Variants in IFNLR1 observed in about 807,000 individuals in gnomAD.
IFNLR1 encodes CRF2-12.
IFNLR1 carries 28 observed loss-of-function variants against 52.5 expected under a neutral mutation model. That is an observed-to-expected ratio of 0.53 (90% CI 0.40 to 0.73). The LOEUF (loss-of-function observed/expected upper bound fraction) is 0.73. IFNLR1 is among the 30% of genes least tolerant of loss of function. IFNLR1 has a pLI of 0.00. For missense variants in IFNLR1, 623 were observed against 659.1 expected, an observed-to-expected ratio of 0.95 and a Z score of 0.60; for synonymous variants, 276 against 274.9, an observed-to-expected ratio of 1.00 and a Z score of -0.04.
At chr1:24,161,313 T>G (rs1644440632) in intron 4 of IFNLR1, 1 of 605,430 alleles carries the variant, frequency 1.7e-6, no homozygotes, top group Middle Eastern at 4.1e-4. Context: ...AGAGCTTATC[T>G]GTATTTTTCA....
intron 2 of IFNLR1, among the ~76,000 whole-genome samples, chr1:24,172,217 A>G (rs1175161650): frequency 2.6e-5 from 4 of 152,256 alleles, no homozygotes; most frequent in Non-Finnish European, 5.9e-5. Context: ...TAAGACAGCT[A>G]AGTAATACTT....
chr1:24,156,857 C>T lies in IFNLR1; in HGVS notation c.*273G>A. On this transcript the variant is annotated 3_prime_UTR_variant, in exon 7 of 7. Transcript: ENST00000327535. The stretch of plus-strand genomic sequence containing the variant: ...TCCCCCTGGCCTGTCACCCTAGGGA[C>T]AATGGGGGTGATGACACCCCACCAA... The T allele has an allele frequency of 2.0e-6, 1 of 506,112 alleles. No individual in the cohort carries two copies. Among genetic ancestry groups the T allele is most frequent in the Non-Finnish European group, 3.5e-6 (1 of 286,032 alleles). The allele number at this position is 506,112 out of a possible 1,614,324, so 31.4% of individuals were successfully genotyped here.
intron 2 of IFNLR1, among the ~76,000 whole-genome samples, chr1:24,173,920 A>C (rs771542719): frequency 3.3e-5 from 5 of 152,244 alleles, no homozygotes; most frequent in African/African-American, 4.8e-5. Flanking sequence ...AAAGACTTGT[A>C]CATGAATGTT....
intron 2 of IFNLR1, among the ~76,000 whole-genome samples, chr1:24,173,101 T>C (rs1216059867): frequency 1.4e-5 from 2 of 140,462 alleles, no homozygotes; most frequent in Middle Eastern, 3.9e-3. Context: ...TACTGGATTT[T>C]ATCAAATTAA....
chr1:24,180,615 G>T, intron 2 of IFNLR1, 116 bp downstream of exon 2: 2 of 995,268 alleles, frequency 2.0e-6, no homozygotes, highest in Non-Finnish European at 3.0e-6. Context: ...CTCCCGTAGG[G>T]CCCAGAGAGC....
chr1:24,157,195 C>T lies in IFNLR1; in HGVS notation c.1498G>A (p.Gly500Arg). 1 of 1,614,120 alleles carries T rather than the reference C, an allele frequency of 6.2e-7. No homozygotes were observed. Among genetic ancestry groups the T allele is most frequent in the Non-Finnish European group, 8.5e-7 (1 of 1,180,022 alleles). ...TCGGTCCTCTGGGTGCTCTCAGCCCCCCAGCTGCCCGCATCGCTGTCCTCA... is the reference window on the plus strand; with the variant it reads ...TCGGTCCTCTGGGTGCTCTCAGCCCTCCAGCTGCCCGCATCGCTGTCCTCA... ...EIEDSDAGSWGAESTQRTEDR... is the reference protein window; with the variant it reads ...EIEDSDAGSWRAESTQRTEDR... Residue 500 changes from glycine (G) to arginine (R), a missense_variant, in exon 7 of 7, where the codon GGG becomes AGG. Gly to Arg is a moderately radical substitution (Grantham distance 125, BLOSUM62 -2). Coordinates refer to ENST00000327535, the MANE Select transcript of IFNLR1 (RefSeq NM_170743.4). This position sits in a 1 kb window ranked among gnomAD's most constrained non-coding sequence, Gnocchi z 5.1.
rs1035859168 is a variant in IFNLR1, at chr1:24,157,007, C to T, written c.*123G>A. On this transcript the variant is annotated 3_prime_UTR_variant, in exon 7 of 7. Coordinates refer to ENST00000327535, the MANE Select transcript of IFNLR1 (RefSeq NM_170743.4). This position sits in a 1 kb window ranked among gnomAD's most constrained non-coding sequence, Gnocchi z 5.1. ...GCAAACAGCCGCTAGGTGGACTTCC[C>T]GGAAGTGCAATGCCCCTCCGCCGCC... is the stretch of plus-strand genomic sequence containing the variant. 1.9e-5 allele frequency: 22 copies of T among 1,175,662 alleles called. No homozygotes were observed. The highest frequency in any genetic ancestry group is 1.2e-4 in the African/African-American group (8 of 64,968). The allele number at this position is 1,175,662 out of a possible 1,614,324, so 72.8% of individuals were successfully genotyped here. A position where few individuals can be genotyped will look rare whatever the true frequency, so the allele number is the denominator to read the frequency against.
chr1:24,177,625 TC>T (rs773331643), intron 2 of IFNLR1, among the ~76,000 whole-genome samples: 8 of 152,166 alleles, frequency 5.3e-5, no homozygotes, highest in Non-Finnish European at 1.2e-4. Flanking sequence ...CCATTCCCAG[TC>T]CACTGACTCA....
rs1491315931 is a variant in IFNLR1, at chr1:24,162,724, T to TTTCTTTCTTTC, written c.368-1041_368-1040insGAAAGAAAGAA. ...TTCTTTTCTTTTCTTTCTTTCTTTCTTTTCTTTCTTTCTTTCTTTCTTTCT... is the reference window on the plus strand; with the variant it reads ...TTCTTTTCTTTTCTTTCTTTCTTTCTTTCTTTCTTTCTTTCTTTCTTTCTTTCTTTCTTTCT... On this transcript the variant is annotated intron_variant, in intron 3 of 6. Transcript: ENST00000327535. Among the ~76,000 whole-genome samples the TTTCTTTCTTTC allele has an allele frequency of 8.0e-4, 26 of 32,490 alleles. 7 individuals are homozygous for TTTCTTTCTTTC. The highest frequency in any genetic ancestry group is 2.3e-3 in the Admixed American group (7 of 2,982). The allele number at this position is 32,490 out of a possible 152,430, so 21.3% of individuals were successfully genotyped here.
rs373239564 is a variant in IFNLR1 at position 24,159,195 on chromosome 1, A to G, written c.671-13T>C. 4.0e-5 allele frequency: 65 copies of G among 1,613,942 alleles called. No homozygotes were observed. In the African/African-American group the frequency reaches 7.6e-4, roughly 19 times the overall value. On this transcript the variant is annotated splice_polypyrimidine_tract_variant and intron_variant, in intron 5 of 6. Coordinates refer to ENST00000327535, the MANE Select transcript of IFNLR1 (RefSeq NM_170743.4). ...GCCCAGTTGGCTTCTAAGGAAGGAA[A>G]AATAACAATGAGAGAAACAACAATG...
At chr1:24,162,764 CTTTCTTTCTTTCTT>C (rs1557643851) in intron 3 of IFNLR1, among the ~76,000 whole-genome samples, 4,010 of 32,072 alleles carry the variant, frequency 0.13, 201 homozygotes, top group East Asian at 0.18. Flanking sequence ...TTCTTTCTTT[CTTTCTTTCTTTCTT>C]TTTCTTTCTT....
chr1:24,171,401 G>A (rs1644578231), intron 2 of IFNLR1, among the ~76,000 whole-genome samples: 1 of 152,096 alleles, frequency 6.6e-6, no homozygotes, highest in Non-Finnish European at 1.5e-5. Context: ...TTAAAGAATA[G>A]GTATCTCATA....
chr1:24,186,659 T>C (rs1035065131), intron 1 of IFNLR1, among the ~76,000 whole-genome samples: 1 of 149,206 alleles, frequency 6.7e-6, no homozygotes, highest in South Asian at 2.2e-4. Context: ...TCAGTAGAGG[T>C]GGGAAAACAA....
At chr1:24,161,496 G>A (rs1452059474) in intron 4 of IFNLR1, 46 bp downstream of exon 4, 1 of 1,551,302 alleles carries the variant, frequency 6.4e-7, no homozygotes, top group Non-Finnish European at 8.7e-7. Context: ...AGTAAGAAGG[G>A]GTGGAGGAGC....
intron 2 of IFNLR1, among the ~76,000 whole-genome samples, chr1:24,176,105 G>A (rs1217019332): frequency 6.6e-6 from 1 of 152,142 alleles, no homozygotes. Context: ...CGGGAAAATG[G>A]ATTAACAAAT....
intron 1 of IFNLR1, among the ~76,000 whole-genome samples, chr1:24,184,569 T>C (rs1644719910): frequency 6.6e-6 from 1 of 152,210 alleles, no homozygotes; most frequent in African/African-American, 2.4e-5. Context: ...GCCAAGCCAC[T>C]GCATTCTTCT....
At position 24,181,248 on chromosome 1, in the gene IFNLR1, A is replaced by G. The variant is rs369424198; in HGVS notation, c.59-394T>C. Among the ~76,000 whole-genome samples, 46 of 152,348 alleles carry G rather than the reference A, an allele frequency of 3.0e-4. 1 individual carries two copies. Among genetic ancestry groups the G allele is most frequent in the African/African-American group, 1.1e-3 (45 of 41,578 alleles). Reference sequence around the variant, plus strand: ...GAGTAAATGAATGAATATTACAATAACATGGGTTACACCAAAGGCTTCCTG... The same window carrying G: ...GAGTAAATGAATGAATATTACAATAGCATGGGTTACACCAAAGGCTTCCTG... On this transcript the variant is annotated intron_variant, in intron 1 of 6. Transcript: ENST00000327535.
At chr1:24,170,868 C>G (rs72650403) in intron 2 of IFNLR1, among the ~76,000 whole-genome samples, 11 of 151,996 alleles carry the variant, frequency 7.2e-5, no homozygotes, top group Admixed American at 2.0e-4. Flanking sequence ...GGGGAGTGAC[C>G]AAGGATGAAT....
chr1:24,183,865 G>A (rs1411374743), intron 1 of IFNLR1, among the ~76,000 whole-genome samples: 1 of 152,172 alleles, frequency 6.6e-6, no homozygotes, highest in African/African-American at 2.4e-5. Flanking sequence ...GAGTAGCTGG[G>A]ATTACAGGCA....
Sources: allele counts gnomAD v4.1 joint callset (sites outside exome capture counted in the v4.1 genomes callset), GRCh38; gene constraint gnomAD v4.1.1; non-coding constraint Gnocchi (gnomAD v3.1); transcripts MANE v1.5; gene names NCBI Gene and HGNC (gene_info 2026-07-23, HGNC 2026-07-21).